Variants in HECW2 observed in about 807,000 individuals in gnomAD.
The protein encoded by HECW2 is E3 ubiquitin-protein ligase HECW2.
HECW2 carries 61 observed loss-of-function variants against 175.2 expected under a neutral mutation model. The observed-to-expected ratio is 0.35, with a 90% CI of 0.28 to 0.43. The LOEUF (loss-of-function observed/expected upper bound fraction) is 0.43, where lower values mean the gene tolerates loss of function less well. HECW2 is among the 20% of genes least tolerant of loss of function. The pLI, the probability that HECW2 is intolerant of heterozygous loss-of-function variation, is 1.00. For synonymous variants in HECW2, 671 were observed against 731.0 expected (o/e 0.92, Z 1.32); for missense variants, 1,524 against 2,000.5 (o/e 0.76, Z 4.54).
At chr2:196,318,056 G>A (rs746335188) in intron 9 of HECW2, among the ~76,000 whole-genome samples, 8 of 152,236 alleles carry the variant, frequency 5.3e-5, no homozygotes, top group African/African-American at 1.7e-4. Flanking sequence ...AAGGAAGAGT[G>A]GCTAGGTGTT....
At position 196,292,481 on chromosome 2, in the gene HECW2, TC is replaced by T; in HGVS notation, c.3000+83del. The stretch of plus-strand genomic sequence containing the variant: ...TTCACCTCACAAAGAGCCTTGGCCC[TC>T]ACTTGAAGGGTAGGGCCAAGTGTCG... On this transcript the variant is annotated intron_variant, in intron 14 of 28. Coordinates refer to ENST00000644978, the MANE Select transcript of HECW2 (RefSeq NM_001348768.2). The T allele has an allele frequency of 3.4e-6, 4 of 1,178,176 alleles. No homozygotes were observed. The South Asian group carries it at 5.7e-5, about 17-fold the overall frequency. The allele number at this position is 1,178,176 out of a possible 1,614,324, so 73.0% of individuals were successfully genotyped here.
At chr2:196,567,172 C>A (rs941713619) in intron 1 of HECW2, among the ~76,000 whole-genome samples, 3 of 152,086 alleles carry the variant, frequency 2.0e-5, no homozygotes, top group Non-Finnish European at 4.4e-5. Context: ...CATCTCTGAC[C>A]GCACAGATGA....
chr2:196,569,707 G>A (rs1027277205), intron 1 of HECW2, among the ~76,000 whole-genome samples: 4 of 152,202 alleles, frequency 2.6e-5, no homozygotes, highest in South Asian at 2.1e-4. Context: ...CAGGATGTAG[G>A]ATAAATTATA....
intron 1 of HECW2, among the ~76,000 whole-genome samples, chr2:196,579,303 T>C (rs534451884): frequency 1.3e-3 from 194 of 152,162 alleles, no homozygotes; most frequent in Non-Finnish European, 2.2e-3. Context: ...CTGGAAAATA[T>C]ATATTTAACA....
At chr2:196,376,496 G>T (rs1168539651) in intron 2 of HECW2, among the ~76,000 whole-genome samples, 1 of 151,938 alleles carries the variant, frequency 6.6e-6, no homozygotes, top group Non-Finnish European at 1.5e-5. Flanking sequence ...GGGTGCAGTG[G>T]TGCGCACCTG....
At chr2:196,453,644 T>C (rs962672923) in intron 1 of HECW2, among the ~76,000 whole-genome samples, 1 of 152,212 alleles carries the variant, frequency 6.6e-6, no homozygotes, top group Non-Finnish European at 1.5e-5. Flanking sequence ...TGATAGCTTA[T>C]ATTTAGTTAC....
chr2:196,231,894 CAGG>C (rs201100432), intron 21 of HECW2, among the ~76,000 whole-genome samples: 2,755 of 152,184 alleles, frequency 0.018, 83 homozygotes, highest in African/African-American at 0.063. Flanking sequence ...GAGGCTGAGG[CAGG>C]AGAATGGCGT....
At chr2:196,469,245 A>T (rs1697098390) in intron 1 of HECW2, among the ~76,000 whole-genome samples, 1 of 152,104 alleles carries the variant, frequency 6.6e-6, no homozygotes, top group Admixed American at 6.6e-5. Flanking sequence ...ACGGGTGCCA[A>T]AATGTAGAGA....
At chr2:196,436,954 A>T (rs1187598874) in intron 1 of HECW2, among the ~76,000 whole-genome samples, 3 of 152,206 alleles carry the variant, frequency 2.0e-5, no homozygotes, top group African/African-American at 7.2e-5. Context: ...TGATAAAAAC[A>T]TATTTATAAT....
chr2:196,221,398 A>G lies in HECW2; in HGVS notation c.4147-457T>C, dbSNP rs76701575. 6.4e-4 allele frequency among the ~76,000 whole-genome samples: 97 copies of G among 152,322 alleles called. 2 individuals are homozygous for G. The East Asian group carries it at 0.018, about 28-fold the overall frequency. The stretch of plus-strand genomic sequence containing the variant: ...AGCAGCTAAAGATTAATGCCTAAAT[A>G]AGAATATTAATTATAAACTGGTATA... On this transcript the variant is annotated intron_variant, in intron 24 of 28. Transcript: ENST00000644978.
chr2:196,276,062 C>A (rs1689944114), intron 15 of HECW2, among the ~76,000 whole-genome samples: 1 of 152,186 alleles, frequency 6.6e-6, no homozygotes, highest in Non-Finnish European at 1.5e-5. Flanking sequence ...CATTTCAACA[C>A]TCCAATATAT....
intron 1 of HECW2, among the ~76,000 whole-genome samples, chr2:196,535,545 T>C (rs1031611471): frequency 3.9e-5 from 6 of 152,138 alleles, no homozygotes; most frequent in African/African-American, 1.4e-4. Context: ...TGCACTTAGA[T>C]CCTGTAAGTG....
intron 21 of HECW2, among the ~76,000 whole-genome samples, chr2:196,230,198 T>C (rs1336827967): frequency 6.6e-6 from 1 of 152,176 alleles, no homozygotes; most frequent in Admixed American, 6.5e-5. Flanking sequence ...CCTGGCTGCC[T>C]CCTCCATGCA....
At position 196,211,627 on chromosome 2, in the gene HECW2, C is replaced by T. The variant is rs150981742; in HGVS notation, c.4607+4238G>A. ...TGTGAGCAGCGCTATCCACTGCTAC[C>T]GCAAAGTGAGACTAGGAAATCTGAG... On this transcript the variant is annotated intron_variant, in intron 28 of 28. Transcript: ENST00000644978. Among the ~76,000 whole-genome samples the T allele has an allele frequency of 1.4e-3, 210 of 152,212 alleles. 1 individual carries two copies. The highest frequency in any genetic ancestry group is 4.4e-3 in the African/African-American group (184 of 41,508).
At chr2:196,481,302 A>G (rs977399341) in intron 1 of HECW2, among the ~76,000 whole-genome samples, 2 of 152,210 alleles carry the variant, frequency 1.3e-5, no homozygotes, top group African/African-American at 4.8e-5. Flanking sequence ...TATTAATTTC[A>G]TCCTTTTTAG....
intron 1 of HECW2, among the ~76,000 whole-genome samples, chr2:196,469,588 G>A (rs1368244073): frequency 2.0e-5 from 3 of 151,940 alleles, no homozygotes; most frequent in Non-Finnish European, 4.4e-5. Flanking sequence ...AATTAAGTAT[G>A]TTTTATGATC....
chr2:196,338,753 C>A (rs1273369902), intron 3 of HECW2, among the ~76,000 whole-genome samples: 2 of 152,206 alleles, frequency 1.3e-5, no homozygotes, highest in East Asian at 3.8e-4. Context: ...TTAATCATAT[C>A]TATTTTACTT....
At chr2:196,518,654 C>CAAAA (rs747681637) in intron 1 of HECW2, among the ~76,000 whole-genome samples, 2 of 77,424 alleles carry the variant, frequency 2.6e-5, no homozygotes, top group African/African-American at 3.8e-5. Context: ...GATTCTGTCT[C>CAAAA]AAAAAAAAAA....
At chr2:196,403,677 C>T (rs1416539827) in intron 2 of HECW2, among the ~76,000 whole-genome samples, 4 of 152,164 alleles carry the variant, frequency 2.6e-5, no homozygotes, top group Non-Finnish European at 5.9e-5. Flanking sequence ...TGAACCAAAA[C>T]ATTCTGGAAA....
Sources: gnomAD v4.1 joint callset for allele counts (sites outside exome capture counted in the v4.1 genomes callset) on GRCh38, gnomAD v4.1.1 for gene constraint, MANE v1.5 for transcripts, NCBI Gene and HGNC (gene_info 2026-07-23, HGNC 2026-07-21) for gene names.